Variants in FAM149A observed in about 807,000 individuals in gnomAD.
FAM149A encodes the protein protein FAM149A.
FAM149A carries 71 observed loss-of-function variants against 78.2 expected under a neutral mutation model. That is an observed-to-expected ratio of 0.91 (90% CI 0.75 to 1.11). The LOEUF (loss-of-function observed/expected upper bound fraction) is 1.11, where lower values mean the gene tolerates loss of function less well. Among genes scored for constraint, FAM149A ranks in the 50% least tolerant of loss-of-function variants. FAM149A has a pLI of 0.00. For synonymous variants in FAM149A, 446 were observed against 410.5 expected, an observed-to-expected ratio of 1.09 and a Z score of -1.04; for missense variants, 1,036 against 971.0, an observed-to-expected ratio of 1.07 and a Z score of -0.89.
At chr4:186,123,421 C>T in intron 1 of FAM149A, 1 of 955,632 alleles carries the variant, frequency 1.0e-6, no homozygotes, top group South Asian at 4.8e-5. Flanking sequence ...CCTTTTGTTC[C>T]TGTATGTTCT....
At chr4:186,132,122 AATC>A in intron 1 of FAM149A, 1 of 985,450 alleles carries the variant, frequency 1.0e-6, no homozygotes, top group African/African-American at 1.7e-5. Context: ...TGGTGATGCT[AATC>A]ATTTGACAAA....
At chr4:186,163,044 C>G in intron 9 of FAM149A, 96 bp downstream of exon 9, 1 of 749,866 alleles carries the variant, frequency 1.3e-6, no homozygotes, top group Non-Finnish European at 2.3e-6. Context: ...TCACGAAGGT[C>G]CCATTTAATC....
At position 186,134,851 on chromosome 4, in the gene FAM149A, C is replaced by A. The variant is rs151071047; in HGVS notation, c.567-14322C>A. On this transcript the variant is annotated intron_variant, in intron 1 of 13. Coordinates refer to ENST00000389354, the MANE Select transcript of FAM149A (RefSeq NM_001367768.3). ...TGGAATACGAAGGCTTTCATTAGTT[C>A]CTCTACTCCTTCAAACATTGATTAA... Among the ~76,000 whole-genome samples the A allele has an allele frequency of 4.9e-3, 753 of 152,278 alleles. 13 individuals are homozygous for A. Among genetic ancestry groups the A allele is most frequent in the African/African-American group, 0.017 (723 of 41,552 alleles).
At chr4:186,151,197 T>A (rs763238900) in intron 3 of FAM149A, among the ~76,000 whole-genome samples, 1 of 152,154 alleles carries the variant, frequency 6.6e-6, no homozygotes, top group Non-Finnish European at 1.5e-5. Flanking sequence ...GGCAGCTGCC[T>A]CCTTCCTCTC....
intron 1 of FAM149A, among the ~76,000 whole-genome samples, chr4:186,119,160 A>G (rs1213887326): frequency 6.6e-6 from 1 of 152,206 alleles, no homozygotes; most frequent in Non-Finnish European, 1.5e-5. Context: ...GAATTTTACA[A>G]TTCATAGGCA....
chr4:186,157,451 T>C (rs1303898409), intron 7 of FAM149A, 114 bp from the exon 8 acceptor site: 1 of 1,064,758 alleles, frequency 9.4e-7, no homozygotes, highest in Non-Finnish European at 1.4e-6. Flanking sequence ...GGAGTGGCCG[T>C]AGCATGGGCT....
intron 1 of FAM149A, among the ~76,000 whole-genome samples, chr4:186,147,931 A>T (rs1048574132): frequency 5.3e-5 from 8 of 151,916 alleles, no homozygotes; most frequent in South Asian, 2.1e-4. Flanking sequence ...CAAAGAGAAT[A>T]AAAACAATCA....
In FAM149A at chr4:186,167,088, A is replaced by T. The variant is rs28550667; in HGVS notation, c.2131A>T (p.Thr711Ser). 3,189 of 1,613,340 alleles carry T rather than the reference A, an allele frequency of 2.0e-3. 66 individuals are homozygous for T. In the African/African-American group the frequency reaches 0.037, roughly 19 times the overall value. Residue 711 changes from threonine (T) to serine (S), a missense_variant, in exon 12 of 14, where the codon ACG becomes TCG. Around this residue, in one of 3 missense-constraint regions of FAM149A, gnomAD observed 716 missense variants for 711.8 expected, o/e 1.01. Transcript: ENST00000389354. ...GTTGTCAAGGCCCAGCACAACCCAC[A>T]CGTTCCGGGTGGGTTCTCTGTTTCC... is the stretch of plus-strand genomic sequence containing the variant.
intron 1 of FAM149A, chr4:186,118,406 C>T (rs1277279711): frequency 1.1e-5 from 2 of 176,886 alleles, no homozygotes. Context: ...AATTTTATAG[C>T]AGTTGGCAGA....
chr4:186,109,160 T>C, intron 1 of FAM149A: 1 of 985,436 alleles, frequency 1.0e-6, no homozygotes, highest in Non-Finnish European at 1.2e-6. Flanking sequence ...CTTATTCTCT[T>C]ATTTGTTCTG....
chr4:186,109,059 G>A (rs556496942), intron 1 of FAM149A: 42 of 247,566 alleles, frequency 1.7e-4, no homozygotes, highest in Non-Finnish European at 2.4e-4. Context: ...ATGTTAGCCA[G>A]GATGGTCTCG....
intron 1 of FAM149A, among the ~76,000 whole-genome samples, chr4:186,130,774 C>G (rs1222977952): frequency 6.6e-6 from 1 of 152,066 alleles, no homozygotes; most frequent in Non-Finnish European, 1.5e-5. Context: ...GATTGAAAAG[C>G]TACAGTAAAT....
chr4:186,154,053 G>A (rs189845635), intron 5 of FAM149A, among the ~76,000 whole-genome samples: 3 of 152,166 alleles, frequency 2.0e-5, no homozygotes, highest in Non-Finnish European at 2.9e-5. Flanking sequence ...TGTGAAAGGT[G>A]GACTGGGTGC....
At chr4:186,142,729 T>G (rs1192037128) in intron 1 of FAM149A, among the ~76,000 whole-genome samples, 1 of 152,198 alleles carries the variant, frequency 6.6e-6, no homozygotes, top group Non-Finnish European at 1.5e-5. Flanking sequence ...CACCCCCGAC[T>G]GCATGGTGTA....
rs1735660296 is a variant in FAM149A at position 186,174,295 on chromosome 4, A to G, written c.*2308A>G. Among the ~76,000 whole-genome samples, 1 of 110,042 alleles carries G rather than the reference A, an allele frequency of 9.1e-6. No individual in the cohort carries two copies. Among genetic ancestry groups the G allele is most frequent in the South Asian group, 2.9e-4 (1 of 3,490 alleles). The allele number at this position is 110,042 out of a possible 152,430, so 72.2% of individuals were successfully genotyped here. Reference sequence around the variant, plus strand: ...TTCCCCTCTGTGTCCATGTGTTCTCATCATTTAGCTCCCACTTAGAAGTGA... The same window carrying G: ...TTCCCCTCTGTGTCCATGTGTTCTCGTCATTTAGCTCCCACTTAGAAGTGA... On this transcript the variant is annotated 3_prime_UTR_variant, in exon 14 of 14. Transcript: ENST00000389354.
chr4:186,153,433 C>G (rs926243350), intron 4 of FAM149A: 2 of 985,206 alleles, frequency 2.0e-6, no homozygotes, highest in Admixed American at 1.2e-4. Flanking sequence ...ATGAAATTAG[C>G]CTGAGAACCT....
intron 13 of FAM149A, chr4:186,171,121 T>A (rs1179843405): frequency 6.6e-6 from 1 of 152,372 alleles, no homozygotes; most frequent in Admixed American, 6.5e-5. Flanking sequence ...AGGCCGGATG[T>A]TGGCTCCGTG....
chr4:186,108,910 C>T lies in FAM149A; in HGVS notation c.566+3268C>T, dbSNP rs554217541. The stretch of plus-strand genomic sequence containing the variant: ...TCGCCCAGGCTGGAGTGCAGTGGCG[C>T]GATCTCGGCTCACTGCAAGCTCCGC... On this transcript the variant is annotated intron_variant, in intron 1 of 13. Coordinates refer to ENST00000389354, the MANE Select transcript of FAM149A (RefSeq NM_001367768.3). 4.9e-3 allele frequency among the ~76,000 whole-genome samples: 744 copies of T among 150,322 alleles called. 11 individuals carry two copies. Among genetic ancestry groups the T allele is most frequent in the African/African-American group, 0.017 (710 of 40,942 alleles).
intron 3 of FAM149A, among the ~76,000 whole-genome samples, chr4:186,150,188 G>A (rs554248125): frequency 7.9e-5 from 12 of 152,118 alleles, no homozygotes; most frequent in African/African-American, 2.4e-4. Flanking sequence ...TTCTGGCTGG[G>A]CGAGCTCTGC....
Sources: allele counts gnomAD v4.1 joint callset (sites outside exome capture counted in the v4.1 genomes callset), GRCh38; gene constraint gnomAD v4.1.1; regional missense constraint gnomAD v4.1.1; transcripts MANE v1.5; gene names NCBI Gene and HGNC (gene_info 2026-07-23, HGNC 2026-07-21).